The following SLC16A9 variants were observed in gnomAD, a reference collection of about 807,000 sequenced individuals.
The protein encoded by SLC16A9 is solute carrier family 16 member 9.
Under a neutral mutation model 44.3 loss-of-function variants are expected in SLC16A9, and 26 were observed. The observed-to-expected ratio is 0.59, with a 90% CI of 0.43 to 0.81. The LOEUF is 0.81. SLC16A9 is among the 40% of genes least tolerant of loss of function. The pLI is 0.00. For synonymous variants in SLC16A9, 230 were observed against 225.1 expected, an observed-to-expected ratio of 1.02 and a Z score of -0.19; for missense variants, 559 against 595.8, an observed-to-expected ratio of 0.94 and a Z score of 0.64.
chr10:59,696,323 T>C (rs932709459), intron 1 of SLC16A9, among the ~76,000 whole-genome samples: 3 of 152,358 alleles, frequency 2.0e-5, no homozygotes, highest in Admixed American at 6.5e-5. Flanking sequence ...CTGGGCTGGT[T>C]TCCAGCTCCT....
At chr10:59,678,745 T>G (rs1317570333) in intron 2 of SLC16A9, among the ~76,000 whole-genome samples, 2 of 146,684 alleles carry the variant, frequency 1.4e-5, no homozygotes, top group Non-Finnish European at 3.0e-5. Flanking sequence ...GGTTTTCACC[T>G]TGTTAGCCAG....
chr10:59,686,690 T>C (rs1342084248), intron 1 of SLC16A9, among the ~76,000 whole-genome samples: 2 of 152,218 alleles, frequency 1.3e-5, no homozygotes, highest in African/African-American at 4.8e-5. Flanking sequence ...TTTTCTTGGG[T>C]ATATACAATG....
In SLC16A9 at chr10:59,652,919, A is replaced by C. The variant is rs11006655; in HGVS notation, c.1383T>G (p.Asp461Glu). The C allele has an allele frequency of 5.9e-3, 9,486 of 1,612,862 alleles. 410 individuals carry two copies. The African/African-American group carries it at 0.1, about 18-fold the overall frequency. The change falls in exon 6 of 6, where the codon GAT (aspartate) becomes GAG (glutamate). Residue 461 changes from aspartate (D) to glutamate (E), a missense_variant. Asp to Glu is a conservative substitution (Grantham distance 45, BLOSUM62 2). Coordinates refer to ENST00000395348, the MANE Select transcript of SLC16A9 (RefSeq NM_194298.3). ...GWFYDWTQTY[D>E]IAFYFSGFCV... Reference sequence around the variant, plus strand: ...AGAAGCCACTAAAATAAAATGCAATATCATAGGTCTGGGTCCAGTCATAAA... The same window carrying C: ...AGAAGCCACTAAAATAAAATGCAATCTCATAGGTCTGGGTCCAGTCATAAA...
intron 1 of SLC16A9, among the ~76,000 whole-genome samples, chr10:59,690,373 G>A (rs1340290222): frequency 1.3e-5 from 2 of 152,158 alleles, no homozygotes; most frequent in African/African-American, 4.8e-5. Flanking sequence ...TGTCCACGTG[G>A]AAAGGTATGT....
intron 1 of SLC16A9, among the ~76,000 whole-genome samples, chr10:59,697,891 C>T (rs1840433593): frequency 6.6e-6 from 1 of 150,626 alleles, no homozygotes; most frequent in African/African-American, 2.4e-5. Context: ...TGGCTTTGAG[C>T]CTCAGTTTTC....
intron 3 of SLC16A9, among the ~76,000 whole-genome samples, chr10:59,670,834 T>C (rs578168580): frequency 6.6e-6 from 1 of 152,130 alleles, no homozygotes; most frequent in East Asian, 1.9e-4. Flanking sequence ...CCCACAAACA[T>C]TCCATGAGCC....
intron 2 of SLC16A9, among the ~76,000 whole-genome samples, chr10:59,675,599 G>A (rs1382737157): frequency 6.6e-6 from 1 of 152,204 alleles, no homozygotes; most frequent in Non-Finnish European, 1.5e-5. Flanking sequence ...AGTTGGACAA[G>A]TGGACTCTGG....
At chr10:59,676,245 A>T (rs938117610) in intron 2 of SLC16A9, among the ~76,000 whole-genome samples, 4 of 152,234 alleles carry the variant, frequency 2.6e-5, no homozygotes, top group Non-Finnish European at 5.9e-5. Context: ...ATTCACATAG[A>T]TTTAAAACAC....
intron 2 of SLC16A9, among the ~76,000 whole-genome samples, chr10:59,678,125 G>A (rs1275469572): frequency 6.7e-6 from 1 of 148,770 alleles, no homozygotes; most frequent in Non-Finnish European, 1.5e-5. Flanking sequence ...AGAGTCCCAG[G>A]AGTAGAAGGA....
intron 4 of SLC16A9, among the ~76,000 whole-genome samples, chr10:59,658,899 G>A (rs929887488): frequency 6.6e-6 from 1 of 152,132 alleles, no homozygotes; most frequent in Non-Finnish European, 1.5e-5. Flanking sequence ...TAAAATATTA[G>A]TTTGGATCCT....
In SLC16A9 at chr10:59,696,156, C is replaced by G. The variant is rs61670556; in HGVS notation, c.-36-11829G>C. 4.1e-3 allele frequency among the ~76,000 whole-genome samples: 622 copies of G among 152,236 alleles called. 5 individuals are homozygous for G. Among genetic ancestry groups the G allele is most frequent in the African/African-American group, 0.014 (594 of 41,514 alleles). ...CCACGGTCTCCCTCTGATGCCCAGC[C>G]GAAGCTGGACTGTGCTGCTGCCATC... On this transcript the variant is annotated intron_variant, in intron 1 of 5. Coordinates refer to ENST00000395348, the MANE Select transcript of SLC16A9 (RefSeq NM_194298.3).
At chr10:59,675,596 C>A (rs1353374515) in intron 2 of SLC16A9, among the ~76,000 whole-genome samples, 1 of 152,188 alleles carries the variant, frequency 6.6e-6, no homozygotes, top group Non-Finnish European at 1.5e-5. Context: ...AGGAGTTGGA[C>A]AAGTGGACTC....
intron 1 of SLC16A9, among the ~76,000 whole-genome samples, chr10:59,695,157 TG>T (rs774665424): frequency 2.5e-3 from 379 of 152,050 alleles, no homozygotes; most frequent in Non-Finnish European, 4.1e-3. Context: ...TGGGAGGTTT[TG>T]GGGTAGGGAG....
chr10:59,667,890 G>T (rs528627106), intron 3 of SLC16A9, among the ~76,000 whole-genome samples: 6 of 152,256 alleles, frequency 3.9e-5, no homozygotes, highest in African/African-American at 1.4e-4. Context: ...ATATTTACAT[G>T]TTGTAACATT....
chr10:59,664,133 G>A (rs1839550260), intron 4 of SLC16A9, 94 bp downstream of exon 4: 1 of 648,632 alleles, frequency 1.5e-6, no homozygotes, highest in Non-Finnish European at 2.4e-6. Context: ...TGGTAGCTGG[G>A]TAATGGTTGG....
intron 1 of SLC16A9, among the ~76,000 whole-genome samples, chr10:59,704,832 T>C (rs1251163552): frequency 1.3e-5 from 2 of 152,290 alleles, no homozygotes; most frequent in Non-Finnish European, 2.9e-5. Context: ...GCAAACGTTT[T>C]GCACAATTTA....
chr10:59,707,844 T>A (rs1456627030), intron 1 of SLC16A9, among the ~76,000 whole-genome samples: 3 of 152,180 alleles, frequency 2.0e-5, no homozygotes, highest in Non-Finnish European at 4.4e-5. Flanking sequence ...CAGACCACCA[T>A]AATGTGTCCT....
chr10:59,673,539 T>G (rs1198423848), intron 2 of SLC16A9, among the ~76,000 whole-genome samples: 3 of 152,216 alleles, frequency 2.0e-5, no homozygotes, highest in Non-Finnish European at 4.4e-5. Context: ...TCAAATAAGC[T>G]GTTCAAGTCA....
At chr10:59,674,970 T>C (rs998679677) in intron 2 of SLC16A9, among the ~76,000 whole-genome samples, 1 of 152,216 alleles carries the variant, frequency 6.6e-6, no homozygotes, top group Non-Finnish European at 1.5e-5. Context: ...GTCACTTTTT[T>C]TGCCTAACAA....
Sources: allele counts gnomAD v4.1 joint callset (sites outside exome capture counted in the v4.1 genomes callset), GRCh38; gene constraint gnomAD v4.1.1; transcripts MANE v1.5; gene names NCBI Gene and HGNC (gene_info 2026-07-23, HGNC 2026-07-21).